Variants in GRID2 observed in about 807,000 individuals in gnomAD.
The protein encoded by GRID2 is glutamate receptor ionotropic, delta-2.
GRID2 carries 33 observed loss-of-function variants against 114.8 expected under a neutral mutation model. The observed-to-expected ratio is 0.29, with a 90% CI of 0.22 to 0.38. The LOEUF (loss-of-function observed/expected upper bound fraction) is 0.38, where lower values mean the gene tolerates loss of function less well. GRID2 is among the 10% of genes least tolerant of loss of function. The pLI is 1.00. For missense variants in GRID2, 1,184 were observed against 1,257.7 expected, an observed-to-expected ratio of 0.94 and a Z score of 0.89; for synonymous variants, 505 against 449.9, an observed-to-expected ratio of 1.12 and a Z score of -1.55.
chr4:92,369,987 C>G (rs1483542913), intron 1 of GRID2, among the ~76,000 whole-genome samples: 1 of 152,034 alleles, frequency 6.6e-6, no homozygotes, highest in African/African-American at 2.4e-5. Context: ...TTACACTTCA[C>G]TTTATTGCAC....
intron 2 of GRID2, among the ~76,000 whole-genome samples, chr4:92,687,678 A>C (rs1410567401): frequency 1.3e-5 from 2 of 151,934 alleles, no homozygotes; most frequent in Non-Finnish European, 2.9e-5. Context: ...AAATACAAAA[A>C]ATTAGCTGGG....
intron 2 of GRID2, among the ~76,000 whole-genome samples, chr4:92,652,935 T>A (rs1732033188): frequency 8.0e-6 from 1 of 124,718 alleles, no homozygotes; most frequent in Admixed American, 8.1e-5. Context: ...TAAATATATA[T>A]AAACATATAT....
intron 8 of GRID2, among the ~76,000 whole-genome samples, chr4:93,377,514 G>A (rs1329364157): frequency 6.6e-6 from 1 of 151,998 alleles, no homozygotes; most frequent in Non-Finnish European, 1.5e-5. Context: ...AAACTTTGAT[G>A]CCACCCACAT....
At chr4:93,593,860 T>G (rs1398827013) in intron 13 of GRID2, among the ~76,000 whole-genome samples, 7 of 152,226 alleles carry the variant, frequency 4.6e-5, no homozygotes, top group Non-Finnish European at 8.8e-5. Context: ...CTCCTGAGGC[T>G]TCTGCATTCT....
intron 11 of GRID2, among the ~76,000 whole-genome samples, chr4:93,464,867 TTCTA>T (rs1489770278): frequency 6.6e-6 from 1 of 152,218 alleles, no homozygotes; most frequent in African/African-American, 2.4e-5. Flanking sequence ...GCACAGTGTA[TTCTA>T]TCTGCTTCAG....
intron 9 of GRID2, among the ~76,000 whole-genome samples, chr4:93,410,169 C>T (rs11938668): frequency 0.19 from 29,586 of 151,964 alleles, 4,991 homozygotes; most frequent in African/African-American, 0.46. Context: ...AGGTAATGAA[C>T]GTAAAGTGAT....
intron 1 of GRID2, among the ~76,000 whole-genome samples, chr4:92,555,987 T>G (rs1579574919): frequency 6.6e-6 from 1 of 152,058 alleles, no homozygotes; most frequent in Non-Finnish European, 1.5e-5. Context: ...CTTGAATAAT[T>G]TATGTTCTTT....
chr4:93,535,056 ACT>A (rs1731898627), intron 13 of GRID2, among the ~76,000 whole-genome samples: 1 of 151,450 alleles, frequency 6.6e-6, no homozygotes, highest in Middle Eastern at 3.4e-3. Context: ...CGACCATTCT[ACT>A]CTCTGCTTCT....
At chr4:93,619,554 CT>C (rs1421476872) in intron 13 of GRID2, among the ~76,000 whole-genome samples, 1 of 152,154 alleles carries the variant, frequency 6.6e-6, no homozygotes, top group Non-Finnish European at 1.5e-5. Flanking sequence ...ATTCTCAGGC[CT>C]TTTCATTTTT....
chr4:92,405,767 A>G (rs1730998351), intron 1 of GRID2, among the ~76,000 whole-genome samples: 1 of 152,082 alleles, frequency 6.6e-6, no homozygotes, highest in South Asian at 2.1e-4. Context: ...CTTATTTCTA[A>G]TGGAAATTTA....
chr4:92,438,756 C>T (rs2110354847), intron 1 of GRID2, among the ~76,000 whole-genome samples: 1 of 152,224 alleles, frequency 6.6e-6, no homozygotes. Flanking sequence ...TTTGAATTCT[C>T]TTCTTTGATC....
intron 1 of GRID2, among the ~76,000 whole-genome samples, chr4:92,361,874 T>C (rs1728636613): frequency 6.6e-6 from 1 of 151,988 alleles, no homozygotes. Flanking sequence ...AGCTTCCTCT[T>C]TCCATTCTAG....
At chr4:93,326,745 T>G (rs1321801743) in intron 8 of GRID2, among the ~76,000 whole-genome samples, 1 of 152,168 alleles carries the variant, frequency 6.6e-6, no homozygotes, top group Non-Finnish European at 1.5e-5. Flanking sequence ...AGCAGTTAAA[T>G]CTCTAGGATT....
At chr4:92,539,733 T>A (rs2149161159) in intron 1 of GRID2, among the ~76,000 whole-genome samples, 1 of 152,296 alleles carries the variant, frequency 6.6e-6, no homozygotes, top group Non-Finnish European at 1.5e-5. Context: ...TTCTTAAAAT[T>A]AGCTGTCCAT....
chr4:93,616,550 G>C (rs1741668209), intron 13 of GRID2, among the ~76,000 whole-genome samples: 1 of 142,094 alleles, frequency 7.0e-6, no homozygotes, highest in South Asian at 2.2e-4. Flanking sequence ...TGTTGCCCAG[G>C]CTGTAATAAA....
intron 8 of GRID2, among the ~76,000 whole-genome samples, chr4:93,258,709 C>G (rs951040244): frequency 1.3e-5 from 2 of 151,668 alleles, no homozygotes; most frequent in Non-Finnish European, 3.0e-5. Context: ...AGTGCCATAA[C>G]TAATATTAAA....
intron 1 of GRID2, among the ~76,000 whole-genome samples, chr4:92,399,568 A>C (rs1730677581): frequency 6.6e-6 from 1 of 151,842 alleles, no homozygotes. Flanking sequence ...AAGCTTTATA[A>C]AGATACACAA....
chr4:93,395,948 A>G (rs550557157), intron 9 of GRID2, among the ~76,000 whole-genome samples: 17 of 151,942 alleles, frequency 1.1e-4, no homozygotes, highest in Non-Finnish European at 2.2e-4. Flanking sequence ...TTTAGGCTCA[A>G]TTTCCATCCT....
chr4:92,318,290 G>GTGTATATATATA lies in GRID2; in HGVS notation c.88+13547_88+13548insGTATATATATAT, dbSNP rs369526929. Among the ~76,000 whole-genome samples, 12 of 104,110 alleles carry GTGTATATATATA rather than the reference G, an allele frequency of 1.2e-4. 1 individual carries two copies. Among genetic ancestry groups the GTGTATATATATA allele is most frequent in the Middle Eastern group, 0.013 (2 of 156 alleles). 68.3% of individuals were successfully genotyped at this position (104,110 alleles called of 152,430 possible). A position where few individuals can be genotyped will look rare whatever the true frequency, so the allele number is the denominator to read the frequency against. On this transcript the variant is annotated intron_variant, in intron 1 of 15. Transcript: ENST00000282020. ...TCACAAGTGTTGGATATATATGTGT[G>GTGTATATATATA]TATATATATATATATATATTTTTTT... is the stretch of plus-strand genomic sequence containing the variant.
Sources: gnomAD v4.1 joint callset for allele counts (sites outside exome capture counted in the v4.1 genomes callset) on GRCh38, gnomAD v4.1.1 for gene constraint, MANE v1.5 for transcripts, NCBI Gene and HGNC (gene_info 2026-07-23, HGNC 2026-07-21) for gene names.